CAPN14: variants seen among roughly 807,000 people sequenced by gnomAD.
CAPN14 encodes calpain 14.
CAPN14 carries 94 observed loss-of-function variants against 101.3 expected under a neutral mutation model. That is an observed-to-expected ratio of 0.93 (90% confidence interval 0.79 to 1.10). CAPN14 has a LOEUF of 1.10. Ranked by LOEUF, CAPN14 falls within the 50% of genes least tolerant of loss-of-function variation. The pLI, the probability that CAPN14 is intolerant of heterozygous loss-of-function variation, is 0.00. For synonymous variants in CAPN14, 338 were observed against 317.9 expected (o/e 1.06, Z -0.67); for missense variants, 837 against 828.4 (o/e 1.01, Z -0.13).
intron 21 of CAPN14, among the ~76,000 whole-genome samples, chr2:31,175,237 C>T (rs1189336363): frequency 3.9e-5 from 6 of 152,178 alleles, no homozygotes; most frequent in Non-Finnish European, 5.9e-5. Context: ...AAGGTGGCTG[C>T]CATTCCCTGC....
At chr2:31,192,425 T>C (rs570790363) in intron 10 of CAPN14, among the ~76,000 whole-genome samples, 1 of 152,326 alleles carries the variant, frequency 6.6e-6, no homozygotes, top group East Asian at 1.9e-4. Context: ...GAGGTGACCA[T>C]GATCCTAGGG....
At chr2:31,199,601 G>T in intron 6 of CAPN14, 69 bp from the exon 7 acceptor site, 1 of 1,309,752 alleles carries the variant, frequency 7.6e-7, no homozygotes, top group Non-Finnish European at 1.1e-6. Context: ...TCGTGGGAAG[G>T]CTGTTTGGCT....
rs992434725 is a variant in CAPN14 at position 31,174,101 on chromosome 2, A to G, written c.*580T>C. On this transcript the variant is annotated 3_prime_UTR_variant, in exon 22 of 22. Transcript: ENST00000403897. ...ACTACCCCATGACCTCAGATGCCAG[A>G]GCCAGCCCACCCCACCTGGACTCTG... 6.5e-6 allele frequency: 1 copy of G among 153,602 alleles called. No individual in the cohort carries two copies. Among genetic ancestry groups the G allele is most frequent in the African/African-American group, 2.4e-5 (1 of 41,454 alleles). 9.5% of individuals were successfully genotyped at this position (153,602 alleles called of 1,614,324 possible).
At position 31,191,999 on chromosome 2, in the gene CAPN14, T is replaced by C; in HGVS notation, c.1214A>G (p.Gln405Arg). Residue 405 changes from glutamine to arginine, a missense_variant, in exon 11 of 22, where the codon CAG becomes CGG. Gln to Arg is a conservative substitution (Grantham distance 43, BLOSUM62 1). Coordinates refer to ENST00000403897, the MANE Select transcript of CAPN14 (RefSeq NM_001145122.2). ...CTTGCGGCACCTGTGCCTGGGCTTCTGGAGCAGGGACACCAGCACGCTGCA... is the reference window on the plus strand; with the variant it reads ...CTTGCGGCACCTGTGCCTGGGCTTCCGGAGCAGGGACACCAGCACGCTGCA... ...RPCSVLVSLL[Q>R]KPRHRCRKRK... 6 of 1,551,656 alleles carry C rather than the reference T, an allele frequency of 3.9e-6. No individual in the cohort carries two copies. Among genetic ancestry groups the C allele is most frequent in the Non-Finnish European group, 5.2e-6 (6 of 1,146,976 alleles).
intron 2 of CAPN14, among the ~76,000 whole-genome samples, chr2:31,203,728 G>A (rs1248362978): frequency 6.6e-6 from 1 of 152,126 alleles, no homozygotes; most frequent in Non-Finnish European, 1.5e-5. Context: ...TAGTTTAGGA[G>A]GCTCACTGCA....
At chr2:31,188,745 G>C (rs1378122559) in intron 13 of CAPN14, among the ~76,000 whole-genome samples, 1 of 152,166 alleles carries the variant, frequency 6.6e-6, no homozygotes, top group Non-Finnish European at 1.5e-5. Context: ...GTTTGGTTGG[G>C]ATATGTGCAC....
intron 2 of CAPN14, 63 bp from the exon 3 acceptor site, chr2:31,203,202 GACC>G (rs1264207856): frequency 1.5e-6 from 2 of 1,379,218 alleles, no homozygotes; most frequent in African/African-American, 2.9e-5. Flanking sequence ...GAGCTACAGT[GACC>G]ACGTTTTCCC....
chr2:31,211,121 G>A (rs1682377293), intron 1 of CAPN14, among the ~76,000 whole-genome samples: 1 of 151,772 alleles, frequency 6.6e-6, no homozygotes, highest in South Asian at 2.1e-4. Context: ...CAGAAGATAA[G>A]AATGGTGATT....
At chr2:31,203,237 G>A (rs1681888503) in intron 2 of CAPN14, 98 bp from the exon 3 acceptor site, 2 of 878,818 alleles carry the variant, frequency 2.3e-6, no homozygotes, top group South Asian at 1.5e-5. Flanking sequence ...CTGTACTTAT[G>A]GGGACAAAGA....
At chr2:31,205,096 T>G in intron 2 of CAPN14, 127 bp downstream of exon 2, 1 of 744,344 alleles carries the variant, frequency 1.3e-6, no homozygotes, top group Non-Finnish European at 2.3e-6. Flanking sequence ...TAGAAGAGTG[T>G]GTTGTGTTGA....
chr2:31,201,864 G>A lies in CAPN14; in HGVS notation c.549C>T (p.Ala183=). Residue 183 remains alanine (A), a splice_region_variant and synonymous_variant, in exon 5 of 22, where the codon GCC becomes GCT. Transcript: ENST00000403897. ...GGATATTTCTGCCGGTTTCTTACTT[G>A]GCATAGGCCTTTTCCAGAAGTGCTC... is the stretch of plus-strand genomic sequence containing the variant. The part of the protein sequence containing the change: ...FWGALLEKAY[A]KLSGSYEDLQ... 2 of 1,550,878 alleles carry A rather than the reference G, an allele frequency of 1.3e-6. No individual in the cohort carries two copies. Among genetic ancestry groups the A allele is most frequent in the South Asian group, 1.2e-5 (1 of 84,024 alleles).
intron 2 of CAPN14, among the ~76,000 whole-genome samples, chr2:31,224,374 TA>T (rs1349934415): frequency 1.3e-5 from 2 of 152,292 alleles, no homozygotes; most frequent in Admixed American, 6.5e-5. Context: ...TTTGGTAGAA[TA>T]TTTTTTTTAT....
intron 2 of CAPN14, chr2:31,226,435 C>A (rs540228809): frequency 3.3e-5 from 5 of 152,212 alleles, no homozygotes; most frequent in African/African-American, 1.2e-4. Context: ...AGTGCCTGCA[C>A]CAGCCCTGTG....
In CAPN14 at chr2:31,202,326, A is replaced by G. The variant is rs114059849; in HGVS notation, c.296-74T>C. The G allele has an allele frequency of 7.8e-3, 8,656 of 1,106,606 alleles. 55 individuals carry two copies. The highest frequency in any genetic ancestry group is 0.013 in the Middle Eastern group (57 of 4,228). 68.5% of individuals were successfully genotyped at this position (1,106,606 alleles called of 1,614,324 possible). On this transcript the variant is annotated intron_variant, in intron 3 of 21. Transcript: ENST00000403897. ...TGACTGCAGAAAATGCCCGGTCCCA[A>G]TGGCCACCCTCTCTGGGCTTGTAGC...
At chr2:31,181,052 C>G (rs1680568657) in intron 16 of CAPN14, 52 bp from the exon 17 acceptor site, 2 of 1,454,324 alleles carry the variant, frequency 1.4e-6, no homozygotes, top group Admixed American at 2.0e-5. Flanking sequence ...GTCTGCACAC[C>G]CCTTTTCTGA....
intron 1 of CAPN14, 124 bp downstream of exon 1, chr2:31,217,329 ACTC>A (rs1224627183): frequency 6.6e-6 from 1 of 152,016 alleles, no homozygotes; most frequent in Non-Finnish European, 1.5e-5. Context: ...TTCTGTATAC[ACTC>A]ACCTGCAAAG....
At chr2:31,209,155 T>TTC (rs1553397147) in intron 1 of CAPN14, among the ~76,000 whole-genome samples, 8 of 150,212 alleles carry the variant, frequency 5.3e-5, no homozygotes, top group Non-Finnish European at 1.0e-4. Flanking sequence ...TTTTTTTTTT[T>TTC]CTGGAGAGAT....
At chr2:31,181,432 TTC>T (rs1491251227) in intron 16 of CAPN14, among the ~76,000 whole-genome samples, 100 of 147,626 alleles carry the variant, frequency 6.8e-4, no homozygotes, top group African/African-American at 2.4e-3. Context: ...CTTTCTTTCT[TTC>T]TTTCTTTCTT....
At chr2:31,214,993 C>T (rs146966821) in intron 1 of CAPN14, among the ~76,000 whole-genome samples, 5,440 of 152,134 alleles carry the variant, frequency 0.036, 104 homozygotes, top group Non-Finnish European at 0.043. Context: ...CTCTTCTCTC[C>T]GGCACAGGCA....
Sources: allele counts gnomAD v4.1 joint callset (sites outside exome capture counted in the v4.1 genomes callset), GRCh38; gene constraint gnomAD v4.1.1; transcripts MANE v1.5; gene names NCBI Gene and HGNC (gene_info 2026-07-23, HGNC 2026-07-21).